The following KDM4B variants were observed in gnomAD, a reference collection of about 807,000 sequenced individuals.
KDM4B encodes the protein lysine-specific demethylase 4B.
In KDM4B, 32 loss-of-function variants were observed where a neutral mutation model predicts 125.2. That is an observed-to-expected ratio of 0.26 (90% CI 0.19 to 0.34). The LOEUF (loss-of-function observed/expected upper bound fraction) is 0.34, where lower values mean the gene tolerates loss of function less well. Ranked by LOEUF, KDM4B falls within the 10% of genes least tolerant of loss-of-function variation. The pLI, the probability that KDM4B is intolerant of heterozygous loss-of-function variation, is 1.00. For synonymous variants in KDM4B, 721 were observed against 677.9 expected (o/e 1.06, Z -0.99); for missense variants, 1,190 against 1,577.7 (o/e 0.75, Z 4.16).
chr19:5,052,119 T>C (rs929104825), intron 6 of KDM4B, among the ~76,000 whole-genome samples: 2 of 151,984 alleles, frequency 1.3e-5, no homozygotes, highest in Non-Finnish European at 2.9e-5. Context: ...TCCCTTGACC[T>C]TTAAGGAGCT....
chr19:5,049,310 C>G (rs1356259141), intron 6 of KDM4B, among the ~76,000 whole-genome samples: 1 of 152,118 alleles, frequency 6.6e-6, no homozygotes, highest in Non-Finnish European at 1.5e-5. Context: ...TCTGCTTCGC[C>G]TGGTGCCGCA....
At chr19:5,131,009 TG>T in intron 11 of KDM4B, 66 bp from the exon 12 acceptor site, 1 of 1,207,816 alleles carries the variant, frequency 8.3e-7, no homozygotes. Flanking sequence ...GGGGGATTTC[TG>T]GGGAGCGTGG....
In KDM4B at chr19:5,096,687, G is replaced by A. The variant is rs983156768; in HGVS notation, c.919-13935G>A. 2.8e-5 allele frequency among the ~76,000 whole-genome samples: 4 copies of A among 145,220 alleles called. No homozygotes were observed. In the East Asian group the frequency reaches 6.2e-4, roughly 22 times the overall value. On this transcript the variant is annotated intron_variant, in intron 9 of 22. Coordinates refer to ENST00000159111, the MANE Select transcript of KDM4B (RefSeq NM_015015.3). ...GGAAGTGTCCCGCGGTGCCCCCGGC[G>A]GTGTCGGTGGCGCGTGTTGCCATGG...
chr19:5,032,895 G>GGGCGCA lies in KDM4B; in HGVS notation c.6_7insGCGCAG (p.Gly2_Ser3insAlaGln), dbSNP rs944915314. On this transcript the variant is annotated inframe_insertion, in exon 3 of 23. Transcript: ENST00000159111. Reference sequence around the variant, plus strand: ...GCTTCCCGCACAGCTGCAGCCATGGGGTCTGAGGACCACGGCGCCCAGAAC... The same window carrying GGGCGCA: ...GCTTCCCGCACAGCTGCAGCCATGGGGGCGCAGTCTGAGGACCACGGCGCCCAGAAC... 1.2e-6 allele frequency: 2 copies of GGGCGCA among 1,613,940 alleles called. No individual in the cohort carries two copies. Among genetic ancestry groups the GGGCGCA allele is most frequent in the Admixed American group, 3.3e-5 (2 of 60,010 alleles).
intron 2 of KDM4B, among the ~76,000 whole-genome samples, chr19:5,031,493 C>T (rs150519895): frequency 1.5e-3 from 231 of 152,356 alleles, no homozygotes; most frequent in African/African-American, 5.2e-3. Context: ...GCAAGGGTGG[C>T]GGGCAGGGCC....
chr19:4,975,593 A>AT (rs10674194), intron 1 of KDM4B, among the ~76,000 whole-genome samples: 2,091 of 138,286 alleles, frequency 0.015, 50 homozygotes, highest in African/African-American at 0.045. Context: ...GAGTGAATGA[A>AT]TTTTTTTTTT....
At chr19:5,135,771 CA>C (rs1338386537) in intron 15 of KDM4B, among the ~76,000 whole-genome samples, 3 of 152,228 alleles carry the variant, frequency 2.0e-5, no homozygotes, top group Non-Finnish European at 4.4e-5. Context: ...CCATCTAGAG[CA>C]GGGGGAAAGG....
intron 13 of KDM4B, among the ~76,000 whole-genome samples, chr19:5,133,511 C>T (rs931381611): frequency 3.3e-5 from 5 of 152,212 alleles, no homozygotes; most frequent in African/African-American, 1.2e-4. Flanking sequence ...CAGGGCTGGG[C>T]ACTGAGTTTG....
chr19:5,053,952 G>A (rs2037313120), intron 6 of KDM4B, among the ~76,000 whole-genome samples: 1 of 152,278 alleles, frequency 6.6e-6, no homozygotes, highest in Non-Finnish European at 1.5e-5. Flanking sequence ...GTGGCCGTGG[G>A]CAGGCAGGAA....
intron 7 of KDM4B, chr19:5,074,549 C>G (rs928238433): frequency 6.6e-6 from 1 of 152,244 alleles, no homozygotes; most frequent in Non-Finnish European, 1.5e-5. Context: ...TTAATGAGAG[C>G]CACTTAAACT....
At chr19:5,116,440 A>T (rs1270059637) in intron 10 of KDM4B, among the ~76,000 whole-genome samples, 1 of 152,170 alleles carries the variant, frequency 6.6e-6, no homozygotes, top group Admixed American at 6.5e-5. Context: ...AGACACACAG[A>T]GTCTCGTATT....
intron 5 of KDM4B, among the ~76,000 whole-genome samples, chr19:5,044,042 T>G: frequency 2.3e-5 from 2 of 88,574 alleles, no homozygotes; most frequent in Admixed American, 1.0e-4. Flanking sequence ...ACGCGGTGTT[T>G]ATCGGAGTGG....
At chr19:5,086,571 C>T (rs990436110) in intron 9 of KDM4B, among the ~76,000 whole-genome samples, 1 of 152,194 alleles carries the variant, frequency 6.6e-6, no homozygotes, top group Admixed American at 6.5e-5. Flanking sequence ...TGCTGCCTGG[C>T]CCTTGCAGGG....
chr19:5,072,262 G>C (rs2037972888), intron 7 of KDM4B, among the ~76,000 whole-genome samples: 1 of 152,232 alleles, frequency 6.6e-6, no homozygotes, highest in Admixed American at 6.5e-5. Flanking sequence ...TCCTGTCCCA[G>C]AGACTGCGCC....
chr19:5,146,939 C>CAAAA (rs1182135277), intron 21 of KDM4B, among the ~76,000 whole-genome samples: 1,212 of 60,458 alleles, frequency 0.02, 31 homozygotes, highest in Non-Finnish European at 0.023. Context: ...ACCCTGTCTC[C>CAAAA]AAAAAAAAAA....
chr19:5,028,564 G>T (rs1182883971), intron 2 of KDM4B, among the ~76,000 whole-genome samples: 1 of 152,214 alleles, frequency 6.6e-6, no homozygotes, highest in African/African-American at 2.4e-5. Flanking sequence ...TGTGTGGATG[G>T]ATGTTTTCAT....
intron 21 of KDM4B, among the ~76,000 whole-genome samples, chr19:5,149,224 G>A (rs1243007495): frequency 1.3e-5 from 2 of 152,258 alleles, no homozygotes; most frequent in Non-Finnish European, 2.9e-5. Context: ...TACGTGGGGC[G>A]TCTAGCCCCA....
At chr19:5,079,225 G>A (rs1216410248) in intron 8 of KDM4B, 1 of 152,234 alleles carries the variant, frequency 6.6e-6, no homozygotes, top group Admixed American at 6.5e-5. Context: ...ACCGAGTTCC[G>A]GGCTTTCTCC....
intron 4 of KDM4B, 96 bp from the exon 5 acceptor site, chr19:5,041,041 C>T (rs1185837840): frequency 1.2e-5 from 9 of 759,894 alleles, no homozygotes; most frequent in Non-Finnish European, 2.0e-5. Context: ...CCCCTCCCGC[C>T]TCTTTCATGG....
Sources: gnomAD v4.1 joint callset for allele counts (sites outside exome capture counted in the v4.1 genomes callset) on GRCh38, gnomAD v4.1.1 for gene constraint, MANE v1.5 for transcripts, NCBI Gene and HGNC (gene_info 2026-07-23, HGNC 2026-07-21) for gene names.